Variants in TMEM177 observed in about 807,000 individuals in gnomAD.
TMEM177 encodes transmembrane protein 177.
TMEM177 carries 4 observed loss-of-function variants against 14.2 expected under a neutral mutation model. The observed-to-expected ratio is 0.28, with a 90% CI of 0.14 to 0.64. The LOEUF (loss-of-function observed/expected upper bound fraction) is 0.64, where lower values mean the gene tolerates loss of function less well. Ranked by LOEUF, TMEM177 falls within the 30% of genes least tolerant of loss-of-function variation. The pLI is 0.82. For synonymous variants in TMEM177, 179 were observed against 174.5 expected, an observed-to-expected ratio of 1.03 and a Z score of -0.20; for missense variants, 344 against 405.2, an observed-to-expected ratio of 0.85 and a Z score of 1.30.
chr2:119,709,287 A>G, the TMEM177 span, among the ~76,000 whole-genome samples: 2 of 152,220 alleles, frequency 1.3e-5, no homozygotes, highest in Non-Finnish European at 2.9e-5. Flanking sequence ...ATGGTTACTG[A>G]AAGTTAATAA....
chr2:119,692,590 A>G, the TMEM177 span, among the ~76,000 whole-genome samples: 3 of 152,242 alleles, frequency 2.0e-5, no homozygotes, highest in African/African-American at 7.2e-5. Flanking sequence ...CCATGCTGGA[A>G]CTTCTTTCAG....
chr2:119,717,323 C>T, the TMEM177 span, among the ~76,000 whole-genome samples: 6 of 150,268 alleles, frequency 4.0e-5, no homozygotes, highest in African/African-American at 1.5e-4. Context: ...GAGTATGACT[C>T]CATCTGGAAA....
the TMEM177 span, among the ~76,000 whole-genome samples, chr2:119,700,497 A>G: frequency 6.6e-6 from 1 of 152,162 alleles, no homozygotes; most frequent in Non-Finnish European, 1.5e-5. Context: ...TCTGATATAT[A>G]TTCTCCTTTA....
the TMEM177 span, among the ~76,000 whole-genome samples, chr2:119,697,821 C>T: frequency 1.3e-5 from 2 of 152,132 alleles, no homozygotes; most frequent in East Asian, 3.9e-4. Flanking sequence ...CGATACTAGA[C>T]AGATTAAAGG....
At chr2:119,691,900 G>A in the TMEM177 span, among the ~76,000 whole-genome samples, 18 of 152,328 alleles carry the variant, frequency 1.2e-4, no homozygotes, top group African/African-American at 2.9e-4. Context: ...CGATCCCCAG[G>A]TCCGGAGCCA....
chr2:119,708,644 G>GACACACACACAC, the TMEM177 span, among the ~76,000 whole-genome samples: 388 of 146,840 alleles, frequency 2.6e-3, 3 homozygotes, highest in African/African-American at 9.4e-3. Context: ...ATCACACGCA[G>GACACACACACAC]ACACACACAC....
chr2:119,679,783 G>A (rs1688847968), intron 1 of TMEM177, among the ~76,000 whole-genome samples: 1 of 152,216 alleles, frequency 6.6e-6, no homozygotes, highest in Non-Finnish European at 1.5e-5. Context: ...GAAGTTGATG[G>A]ATGTACTATT....
the TMEM177 span, among the ~76,000 whole-genome samples, chr2:119,701,511 G>A: frequency 6.6e-6 from 1 of 152,142 alleles, no homozygotes; most frequent in Non-Finnish European, 1.5e-5. Flanking sequence ...TGGGGGTGGG[G>A]TGCGGAGAGC....
chr2:119,681,522 C>A lies in TMEM177; in HGVS notation c.669C>A (p.Leu223=). 7 of 1,614,084 alleles carry A rather than the reference C, an allele frequency of 4.3e-6. No individual in the cohort carries two copies. The highest frequency in any genetic ancestry group is 5.9e-6 in the Non-Finnish European group (7 of 1,180,046). The change falls in exon 2 of 2, where the codon CTC becomes CTA. Residue 223 remains leucine (L), a synonymous_variant. Coordinates refer to ENST00000272521, the MANE Select transcript of TMEM177 (RefSeq NM_030577.3). ...CCTACGCCTTCTCCCAGGATTCTCT[C>A]ACTCATGCCGTGGAGTCCTGGCTGG... The part of the protein sequence containing the change: ...FVAYAFSQDS[L]THAVESWLDR...
downstream of TMEM177, among the ~76,000 whole-genome samples, chr2:119,690,980 G>T (rs550616661): frequency 2.0e-4 from 30 of 152,358 alleles, no homozygotes; most frequent in South Asian, 6.2e-3. Context: ...CCACTTCAGG[G>T]TTAAGCACAG....
chr2:119,704,369 G>T, the TMEM177 span, among the ~76,000 whole-genome samples: 1 of 152,198 alleles, frequency 6.6e-6, no homozygotes, highest in Non-Finnish European at 1.5e-5. Flanking sequence ...GGAGGCTGAG[G>T]TGGGTGGATC....
chr2:119,684,139 T>C (rs918504429), downstream of TMEM177, among the ~76,000 whole-genome samples: 5 of 152,202 alleles, frequency 3.3e-5, no homozygotes, highest in Admixed American at 1.3e-4. Context: ...CCCATCCGTG[T>C]CCCACTTTCC....
the TMEM177 span, among the ~76,000 whole-genome samples, chr2:119,720,677 C>G: frequency 6.6e-6 from 1 of 152,148 alleles, no homozygotes; most frequent in Admixed American, 6.5e-5. Context: ...TCGTGCCAGC[C>G]TTGTCCCAAC....
chr2:119,702,968 G>T, the TMEM177 span, among the ~76,000 whole-genome samples: 10 of 152,184 alleles, frequency 6.6e-5, no homozygotes, highest in African/African-American at 2.4e-4. Flanking sequence ...TCCTGTGACC[G>T]GGCAGGAGCC....
chr2:119,721,816 CT>C, the TMEM177 span, among the ~76,000 whole-genome samples: 4 of 152,180 alleles, frequency 2.6e-5, no homozygotes, highest in Admixed American at 6.5e-5. Context: ...ATAGAAGAGC[CT>C]TTCCCCAAAA....
the TMEM177 span, chr2:119,700,098 C>G: frequency 3.9e-6 from 1 of 254,570 alleles, no homozygotes; most frequent in South Asian, 6.7e-5. Flanking sequence ...GGAGGTTGCC[C>G]AGAAGAAAAA....
At chr2:119,693,642 T>C in the TMEM177 span, among the ~76,000 whole-genome samples, 1 of 152,118 alleles carries the variant, frequency 6.6e-6, no homozygotes, top group African/African-American at 2.4e-5. Context: ...AAGCCAACAC[T>C]GAGGCTGACA....
At chr2:119,712,600 A>G in the TMEM177 span, among the ~76,000 whole-genome samples, 458 of 152,254 alleles carry the variant, frequency 3.0e-3, 1 homozygote, top group African/African-American at 9.1e-3. Context: ...CTCAGGAGAA[A>G]CCAGCCCTGC....
At chr2:119,686,378 C>CATTA (rs1689015394), downstream of TMEM177, 1 of 152,200 alleles carries the variant, frequency 6.6e-6, no homozygotes, top group African/African-American at 2.4e-5. Flanking sequence ...TCGCTGCTGC[C>CATTA]TAATACAGCT....
Sources: allele counts gnomAD v4.1 joint callset (sites outside exome capture counted in the v4.1 genomes callset), GRCh38; gene constraint gnomAD v4.1.1; transcripts MANE v1.5; gene names NCBI Gene and HGNC (gene_info 2026-07-23, HGNC 2026-07-21).